FHOD3: variants seen among roughly 807,000 people sequenced by gnomAD.
FHOD3 encodes the protein formin homology 2 domain containing 3.
Under a neutral mutation model 173.0 loss-of-function variants are expected in FHOD3, and 90 were observed. The ratio of observed to expected loss-of-function variants is 0.52; its 90% CI spans 0.44 to 0.62. The LOEUF (loss-of-function observed/expected upper bound fraction) is 0.62. Among genes scored for constraint, FHOD3 ranks in the 20% least tolerant of loss-of-function variants. The pLI is 0.00. For synonymous variants in FHOD3, 828 were observed against 823.0 expected (o/e 1.01, Z -0.10); for missense variants, 1,945 against 2,034.7 (o/e 0.96, Z 0.85).
Position 36,477,536 on chromosome 18 carries a change from CACCCACCCACCTACCTACCT to C in FHOD3, c.338-24392_338-24373del, listed in dbSNP as rs1395476102. ...CCATCCATCCATCCATCCACCCACC[CACCCACCCACCTACCTACCT>C]ACCTACCTACCTACCTACCTACCTA... On this transcript the variant is annotated intron_variant, in intron 3 of 28. Coordinates refer to ENST00000590592, the MANE Select transcript of FHOD3 (RefSeq NM_001281740.3). Among the ~76,000 whole-genome samples the C allele has an allele frequency of 2.4e-4, 16 of 66,646 alleles. No individual in the cohort carries two copies. In the East Asian group the frequency reaches 3.1e-3, roughly 13 times the overall value. The allele number at this position is 66,646 out of a possible 152,430, so 43.7% of individuals were successfully genotyped here.
intron 5 of FHOD3, among the ~76,000 whole-genome samples, chr18:36,558,252 C>G (rs931954513): frequency 8.5e-5 from 13 of 152,116 alleles, no homozygotes; most frequent in Non-Finnish European, 1.6e-4. Flanking sequence ...TGAGCTATGC[C>G]AGGGTTCCCC....
intron 16 of FHOD3, among the ~76,000 whole-genome samples, chr18:36,689,293 C>T (rs114233220): frequency 1.4e-4 from 22 of 152,318 alleles, no homozygotes; most frequent in African/African-American, 5.3e-4. Context: ...GGAAAAGTAA[C>T]TCTTCCAGAT....
At chr18:36,659,850 G>C (rs1408332695) in intron 14 of FHOD3, among the ~76,000 whole-genome samples, 1 of 152,198 alleles carries the variant, frequency 6.6e-6, no homozygotes, top group East Asian at 1.9e-4. Flanking sequence ...TGGAATCCCA[G>C]GTCCAGGTTT....
At chr18:36,715,231 GT>G (rs1376842972) in intron 18 of FHOD3, among the ~76,000 whole-genome samples, 10 of 152,206 alleles carry the variant, frequency 6.6e-5, no homozygotes. Context: ...CATGGGCGTG[GT>G]TTCCCCCATC....
intron 9 of FHOD3, among the ~76,000 whole-genome samples, chr18:36,618,061 G>A (rs142949978): frequency 6.7e-6 from 1 of 149,402 alleles, no homozygotes; most frequent in Admixed American, 6.7e-5. Context: ...TTTCCCTCCA[G>A]ATTAACTAAT....
At chr18:36,599,786 C>T (rs1157264249) in intron 7 of FHOD3, among the ~76,000 whole-genome samples, 5 of 152,138 alleles carry the variant, frequency 3.3e-5, no homozygotes, top group African/African-American at 9.7e-5. Context: ...GGTATCTCCA[C>T]CAACCACCAC....
At chr18:36,624,666 G>C (rs16968050) in intron 9 of FHOD3, among the ~76,000 whole-genome samples, 21,038 of 138,398 alleles carry the variant, frequency 0.15, 1,563 homozygotes, top group African/African-American at 0.19. Context: ...CCTAGACACA[G>C]GGCTAAAAAT....
rs2056650464 is a variant in FHOD3, at chr18:36,528,843, C to T, written c.511+16300C>T. ...TTTAGAAAACGGGACCACTGCACAC[C>T]ACCTCACCTGTTCTCACACGGGCTT... is the stretch of plus-strand genomic sequence containing the variant. On this transcript the variant is annotated intron_variant, in intron 5 of 28. Transcript: ENST00000590592. 5.3e-5 allele frequency among the ~76,000 whole-genome samples: 8 copies of T among 152,308 alleles called. No individual in the cohort carries two copies. The South Asian group carries it at 1.7e-3, about 32-fold the overall frequency.
At chr18:36,419,868 G>T (rs960831530) in intron 3 of FHOD3, among the ~76,000 whole-genome samples, 1 of 152,196 alleles carries the variant, frequency 6.6e-6, no homozygotes, top group African/African-American at 2.4e-5. Context: ...TTGAGTCAGG[G>T]AGCTAGCCTG....
chr18:36,520,652 C>T (rs1008737889), intron 5 of FHOD3, among the ~76,000 whole-genome samples: 8 of 152,184 alleles, frequency 5.3e-5, no homozygotes, highest in Admixed American at 2.6e-4. Flanking sequence ...ATCATGCCTC[C>T]GAGTGCTTCA....
At position 36,652,638 on chromosome 18, in the gene FHOD3, C is replaced by G. The variant is rs1481783650; in HGVS notation, c.1355C>G (p.Pro452Arg). 2 of 1,535,470 alleles carry G rather than the reference C, an allele frequency of 1.3e-6. No individual in the cohort carries two copies. The highest frequency in any genetic ancestry group is 2.7e-5 in the African/African-American group (2 of 73,152). Residue 452 changes from proline to arginine, a missense_variant, in exon 12 of 29, where the codon CCT becomes CGT. Transcript: ENST00000590592. Reference protein sequence around the residue: ...RDAAPKSSALPAVSNASSQGK... With the variant: ...RDAAPKSSALRAVSNASSQGK... ...GCTGCTCCCAAGAGCTCTGCCCTCC[C>G]TGCTGTCTCGAATGCCAGCTCGCAG...
At chr18:36,310,939 A>G (rs1371793921) in intron 1 of FHOD3, among the ~76,000 whole-genome samples, 2 of 152,126 alleles carry the variant, frequency 1.3e-5, no homozygotes, top group Non-Finnish European at 2.9e-5. Context: ...GGGCTAAGCT[A>G]ATATATGGGG....
At chr18:36,541,531 C>CA (rs2057220975) in intron 5 of FHOD3, among the ~76,000 whole-genome samples, 1 of 151,910 alleles carries the variant, frequency 6.6e-6, no homozygotes, top group Non-Finnish European at 1.5e-5. Context: ...CTTATCTCTA[C>CA]AAAAAATGAA....
At chr18:36,308,508 C>T (rs895856125) in intron 1 of FHOD3, among the ~76,000 whole-genome samples, 9 of 152,252 alleles carry the variant, frequency 5.9e-5, no homozygotes, top group East Asian at 1.9e-4. Flanking sequence ...TTGTTAAAAC[C>T]GTGAATAAAT....
chr18:36,441,768 G>T (rs1036008385), intron 3 of FHOD3, among the ~76,000 whole-genome samples: 1 of 152,196 alleles, frequency 6.6e-6, no homozygotes, highest in Non-Finnish European at 1.5e-5. Flanking sequence ...CATTTTAGAC[G>T]CAGTGCCTGC....
intron 3 of FHOD3, among the ~76,000 whole-genome samples, chr18:36,393,636 C>T (rs928187537): frequency 8.5e-5 from 13 of 152,186 alleles, no homozygotes; most frequent in African/African-American, 2.4e-4. Context: ...GGCAATCAGT[C>T]ATTCATTTCC....
intron 3 of FHOD3, among the ~76,000 whole-genome samples, chr18:36,426,137 C>G (rs1738400920): frequency 6.6e-6 from 1 of 152,042 alleles, no homozygotes; most frequent in African/African-American, 2.4e-5. Flanking sequence ...ATCTCCTGAC[C>G]TTGTGATCCG....
intron 9 of FHOD3, 103 bp from the exon 10 acceptor site, chr18:36,625,408 A>G: frequency 1.9e-6 from 2 of 1,061,736 alleles, no homozygotes; most frequent in Non-Finnish European, 2.5e-6. Context: ...GCGAAGACAG[A>G]GTTAAAAATC....
chr18:36,490,309 C>T (rs971698267), intron 3 of FHOD3, among the ~76,000 whole-genome samples: 20 of 152,156 alleles, frequency 1.3e-4, no homozygotes, highest in Admixed American at 5.2e-4. Flanking sequence ...AGCAAATGGA[C>T]GTGGACTTTG....
Sources: allele counts gnomAD v4.1 joint callset (sites outside exome capture counted in the v4.1 genomes callset), GRCh38; gene constraint gnomAD v4.1.1; transcripts MANE v1.5; gene names NCBI Gene and HGNC (gene_info 2026-07-23, HGNC 2026-07-21).